Variants in AGBL1 observed in about 807,000 individuals in gnomAD.
AGBL1 encodes the protein AGBL carboxypeptidase 1.
In AGBL1, 130 loss-of-function variants were observed where a neutral mutation model predicts 118.9. The ratio of observed to expected loss-of-function variants is 1.09; its 90% CI spans 0.95 to 1.26. The LOEUF (loss-of-function observed/expected upper bound fraction) is 1.26. Among genes scored for constraint, AGBL1 ranks in the 50% most tolerant of loss-of-function variants. The pLI is 0.00. For synonymous variants in AGBL1, 555 were observed against 478.9 expected (o/e 1.16, Z -2.08); for missense variants, 1,584 against 1,298.1 (o/e 1.22, Z -3.38).
chr15:86,627,220 G>C (rs531220072), intron 21 of AGBL1, among the ~76,000 whole-genome samples: 5 of 152,200 alleles, frequency 3.3e-5, no homozygotes, highest in Admixed American at 6.5e-5. Context: ...GGCTAGTCTC[G>C]AACTCCCGAC....
chr15:86,350,986 G>A (rs913438794), intron 17 of AGBL1, among the ~76,000 whole-genome samples: 8 of 152,226 alleles, frequency 5.3e-5, no homozygotes, highest in African/African-American at 1.9e-4. Context: ...TTTTGTATCA[G>A]AGACCAGAAT....
At chr15:86,415,620 A>G (rs2081682400) in intron 18 of AGBL1, among the ~76,000 whole-genome samples, 2 of 152,194 alleles carry the variant, frequency 1.3e-5, no homozygotes, top group African/African-American at 2.4e-5. Flanking sequence ...TGATGGCTTA[A>G]TCATATTGCT....
chr15:86,191,326 C>T (rs1453739092), intron 5 of AGBL1, among the ~76,000 whole-genome samples: 8 of 106,436 alleles, frequency 7.5e-5, no homozygotes, highest in Non-Finnish European at 8.4e-5. Flanking sequence ...CCAGCCTGGG[C>T]GACAGGAGCA....
At position 86,164,174 on chromosome 15, in the gene AGBL1, A is replaced by G. The variant is rs375253772; in HGVS notation, c.488+5148A>G. On this transcript the variant is annotated intron_variant, in intron 5 of 22. Coordinates refer to ENST00000614907, the MANE Select transcript of AGBL1 (RefSeq NM_001386094.1). ...AGGGGCATGTGGGGACAGCATTCACATTAAAACTTTGCTGTCTATTTGAAA... is the reference window on the plus strand; with the variant it reads ...AGGGGCATGTGGGGACAGCATTCACGTTAAAACTTTGCTGTCTATTTGAAA... Among the ~76,000 whole-genome samples the G allele has an allele frequency of 5.3e-5, 8 of 152,356 alleles. 1 individual carries two copies. In the Middle Eastern group the frequency reaches 0.027, roughly 518 times the overall value.
chr15:86,935,233 C>T (rs943974956), intron 23 of AGBL1: 13 of 152,054 alleles, frequency 8.5e-5, no homozygotes, highest in African/African-American at 3.1e-4. Flanking sequence ...CCCCAGAGAT[C>T]AATTAGAGGG....
chr15:86,574,013 A>G (rs1478834229), intron 21 of AGBL1, among the ~76,000 whole-genome samples: 1 of 152,174 alleles, frequency 6.6e-6, no homozygotes, highest in East Asian at 1.9e-4. Flanking sequence ...GATAAGCCAG[A>G]AAACTACCAG....
intron 5 of AGBL1, among the ~76,000 whole-genome samples, chr15:86,169,520 T>A (rs911924976): frequency 2.0e-5 from 3 of 152,208 alleles, no homozygotes; most frequent in African/African-American, 7.2e-5. Flanking sequence ...AGACCTCTTG[T>A]AGATACCAAA....
At chr15:86,949,744 T>G (rs1473800169) in intron 23 of AGBL1, among the ~76,000 whole-genome samples, 1 of 151,984 alleles carries the variant, frequency 6.6e-6, no homozygotes, top group Non-Finnish European at 1.5e-5. Context: ...AAGTAAAAAT[T>G]AAAAAATTAA....
intron 22 of AGBL1, among the ~76,000 whole-genome samples, chr15:86,748,459 T>C (rs1384535017): frequency 2.6e-5 from 4 of 151,452 alleles, no homozygotes; most frequent in African/African-American, 9.7e-5. Context: ...GTAGTTTCTT[T>C]TGTTGTGCAG....
chr15:86,644,210 C>T (rs1035583452), intron 21 of AGBL1, among the ~76,000 whole-genome samples: 1 of 152,068 alleles, frequency 6.6e-6, no homozygotes, highest in African/African-American at 2.4e-5. Context: ...ATATTTATCT[C>T]AATTTTTAAT....
At chr15:87,027,646 T>A (rs2081745629) in intron 24 of AGBL1, among the ~76,000 whole-genome samples, 1 of 151,950 alleles carries the variant, frequency 6.6e-6, no homozygotes. Flanking sequence ...TGCCCATCAA[T>A]GATAGACTGG....
At position 86,647,630 on chromosome 15, in the gene AGBL1, G is replaced by C. The variant is rs139327599; in HGVS notation, c.2995-26643G>C. ...ACAGGAGAATTGCTTGAACCTAGGA[G>C]GCGGAGGTTGCAGTGAGCCGAAATC... On this transcript the variant is annotated intron_variant, in intron 21 of 22. Transcript: ENST00000614907. Among the ~76,000 whole-genome samples, 45 of 152,302 alleles carry C rather than the reference G, an allele frequency of 3.0e-4. No homozygotes were observed. The East Asian group carries it at 8.5e-3, about 29-fold the overall frequency.
intron 10 of AGBL1, 105 bp from the exon 11 acceptor site, chr15:86,264,152 AG>A: frequency 1.0e-6 from 1 of 961,422 alleles, no homozygotes; most frequent in East Asian, 2.7e-5. Context: ...CCACATTCAC[AG>A]GATTTATGCT....
rs74697296 is a variant in AGBL1, at chr15:86,201,479, A to G, written c.489-23435A>G. On this transcript the variant is annotated intron_variant, in intron 5 of 22. Transcript: ENST00000614907. Reference sequence around the variant, plus strand: ...AGGCAGAGTAGGAGCTATCTTGAATAGAAAATGCCTTTCAGCCCACAGAGA... The same window carrying G: ...AGGCAGAGTAGGAGCTATCTTGAATGGAAAATGCCTTTCAGCCCACAGAGA... Among the ~76,000 whole-genome samples the G allele has an allele frequency of 5.8e-4, 89 of 152,362 alleles. 1 individual carries two copies. In the East Asian group the frequency reaches 0.015, roughly 26 times the overall value.
intron 21 of AGBL1, among the ~76,000 whole-genome samples, chr15:86,570,879 C>T (rs926463056): frequency 9.2e-5 from 14 of 152,182 alleles, no homozygotes; most frequent in Non-Finnish European, 1.3e-4. Context: ...GGACTTGGCT[C>T]ATGCTACTGG....
At chr15:86,432,582 A>G (rs1210145344) in intron 18 of AGBL1, among the ~76,000 whole-genome samples, 3 of 152,136 alleles carry the variant, frequency 2.0e-5, no homozygotes, top group Non-Finnish European at 4.4e-5. Flanking sequence ...TGCTGAGGTA[A>G]TGTTGCTGGG....
intron 4 of AGBL1, among the ~76,000 whole-genome samples, chr15:86,155,456 A>G (rs529026799): frequency 2.0e-5 from 3 of 152,322 alleles, no homozygotes; most frequent in African/African-American, 7.2e-5. Flanking sequence ...TCTTAAAAAA[A>G]TAAAAAAAGT....
chr15:86,414,853 C>G (rs1645782013), intron 18 of AGBL1, among the ~76,000 whole-genome samples: 1 of 152,094 alleles, frequency 6.6e-6, no homozygotes, highest in South Asian at 2.1e-4. Context: ...GCTAAGAACA[C>G]TTAGAATGGA....
intron 22 of AGBL1, among the ~76,000 whole-genome samples, chr15:86,793,061 A>G (rs2078518714): frequency 6.6e-6 from 1 of 152,154 alleles, no homozygotes; most frequent in African/African-American, 2.4e-5. Flanking sequence ...CGCCATCCTC[A>G]AGGTACAGAA....
Sources: allele counts gnomAD v4.1 joint callset (sites outside exome capture counted in the v4.1 genomes callset), GRCh38; gene constraint gnomAD v4.1.1; transcripts MANE v1.5; gene names NCBI Gene and HGNC (gene_info 2026-07-23, HGNC 2026-07-21).